Variants in PLCH2 observed in about 807,000 individuals in gnomAD.
The protein encoded by PLCH2 is 1-phosphatidylinositol 4,5-bisphosphate phosphodiesterase eta-2.
Under a neutral mutation model 134.7 loss-of-function variants are expected in PLCH2, and 98 were observed. The ratio of observed to expected loss-of-function variants is 0.73; its 90% CI spans 0.62 to 0.86. The LOEUF (loss-of-function observed/expected upper bound fraction) is 0.86, where lower values mean the gene tolerates loss of function less well. Among genes scored for constraint, PLCH2 ranks in the 40% least tolerant of loss-of-function variants. The probability of loss-of-function intolerance (pLI) is 0.00; values close to 1 mark genes in which losing one functional copy is unlikely to be tolerated. For missense variants in PLCH2, 1,994 were observed against 1,986.6 expected, an observed-to-expected ratio of 1.00 and a Z score of -0.07; for synonymous variants, 974 against 827.5, an observed-to-expected ratio of 1.18 and a Z score of -3.04.
intron 2 of PLCH2, among the ~76,000 whole-genome samples, chr1:2,452,374 G>A (rs1640284990): frequency 1.3e-5 from 2 of 152,232 alleles, no homozygotes; most frequent in South Asian, 4.1e-4. Context: ...CTGCCGTCCT[G>A]GAGTGAGCCC....
intron 2 of PLCH2, among the ~76,000 whole-genome samples, chr1:2,431,405 A>G (rs956422833): frequency 1.5e-4 from 23 of 152,158 alleles, no homozygotes; most frequent in African/African-American, 5.3e-4. Flanking sequence ...TCAATGCCAC[A>G]TTCTCCAGAT....
rs1456854260 is a variant in PLCH2 at position 2,483,895 on chromosome 1, TGTGGGGG to T, written c.646-551_646-545del. Among the ~76,000 whole-genome samples, 20 of 101,710 alleles carry T rather than the reference TGTGGGGG, an allele frequency of 2.0e-4. 5 individuals are homozygous for T. The highest frequency in any genetic ancestry group is 6.8e-4 in the African/African-American group (18 of 26,324). The allele number at this position is 101,710 out of a possible 152,430, so 66.7% of individuals were successfully genotyped here. A position where few individuals can be genotyped will look rare whatever the true frequency, so the allele number is the denominator to read the frequency against. On this transcript the variant is annotated intron_variant, in intron 4 of 21. Coordinates refer to ENST00000378486, the MANE Select transcript of PLCH2 (RefSeq NM_014638.4). ...CCCGTGTGGGTGGCGCTGACTCCCGTGTGGGGGGGCGCTGACTCCCGTGTGGGGGGGC... is the reference window on the plus strand; with the variant it reads ...CCCGTGTGGGTGGCGCTGACTCCCGTGGCGCTGACTCCCGTGTGGGGGGGC...
At position 2,480,414 on chromosome 1, in the gene PLCH2, C is replaced by A. The variant is rs1641900522; in HGVS notation, c.645+102C>A. The stretch of plus-strand genomic sequence containing the variant: ...CCAGCCCTGACTGAGCTGGAGGGGA[C>A]CCTGGCAGTGCCCTCAAGCTGCACA... On this transcript the variant is annotated intron_variant, in intron 4 of 21. Coordinates refer to ENST00000378486, the MANE Select transcript of PLCH2 (RefSeq NM_014638.4). 3.8e-6 allele frequency: 5 copies of A among 1,320,374 alleles called. No individual in the cohort carries two copies. In the Admixed American group the frequency reaches 1.0e-4, roughly 27 times the overall value. The allele number at this position is 1,320,374 out of a possible 1,614,324, so 81.8% of individuals were successfully genotyped here.
intron 2 of PLCH2, among the ~76,000 whole-genome samples, chr1:2,449,636 C>T (rs1285848777): frequency 1.3e-5 from 2 of 152,212 alleles, no homozygotes; most frequent in Non-Finnish European, 2.9e-5. Flanking sequence ...TGGGGCAGCT[C>T]TGCCCAGGTG....
At chr1:2,481,258 TGC>T (rs953077326) in intron 4 of PLCH2, among the ~76,000 whole-genome samples, 1 of 152,178 alleles carries the variant, frequency 6.6e-6, no homozygotes, top group Non-Finnish European at 1.5e-5. Flanking sequence ...ACAGGGTGTG[TGC>T]GTGAGTTAGG....
intron 11 of PLCH2, 91 bp from the exon 12 acceptor site, chr1:2,494,765 A>C: frequency 5.8e-6 from 4 of 687,788 alleles, no homozygotes; most frequent in Non-Finnish European, 9.8e-6. Flanking sequence ...CTCTTCCAGG[A>C]AGGCCTTCTG....
intron 4 of PLCH2, among the ~76,000 whole-genome samples, chr1:2,481,511 G>T (rs1641967688): frequency 6.6e-6 from 1 of 152,266 alleles, no homozygotes; most frequent in Non-Finnish European, 1.5e-5. Context: ...GTGGCTTAGG[G>T]TGCAGGCTCC....
Position 2,469,582 on chromosome 1 carries a change from T to C in PLCH2, c.43+1920T>C, listed in dbSNP as rs116519929. Among the ~76,000 whole-genome samples, 1,092 of 150,736 alleles carry C rather than the reference T, an allele frequency of 7.2e-3. 8 individuals carry two copies. The highest frequency in any genetic ancestry group is 0.025 in the African/African-American group (1,020 of 41,164). Reference sequence around the variant, plus strand: ...AGTGCCCTTTGCTGGGGCAGGTGTGTGTGGGGTGCCTGGGGCCCTCTCAGG... The same window carrying C: ...AGTGCCCTTTGCTGGGGCAGGTGTGCGTGGGGTGCCTGGGGCCCTCTCAGG... On this transcript the variant is annotated intron_variant, in intron 1 of 21. Coordinates refer to the PLCH2 transcript ENST00000449969.
At position 2,504,325 on chromosome 1, in the gene PLCH2, C is replaced by G; in HGVS notation, c.3363C>G (p.Tyr1121Ter). Residue 1121 changes from tyrosine to a stop codon, truncating the protein, a stop_gained, in exon 22 of 22, where the codon TAC (tyrosine) becomes TAG (stop). Coordinates refer to ENST00000378486, the MANE Select transcript of PLCH2 (RefSeq NM_014638.4). LOFTEE classifies it high-confidence loss of function. ...LAAPFPAPAV[Y>*]SDATGSDPLW... The stretch of plus-strand genomic sequence containing the variant: ...CTCCCTTTCCAGCTCCTGCCGTGTA[C>G]TCCGATGCCACGGGCAGTGACCCGC... 1 of 1,609,708 alleles carries G rather than the reference C, an allele frequency of 6.2e-7. No individual in the cohort carries two copies. The highest frequency in any genetic ancestry group is 8.5e-7 in the Non-Finnish European group (1 of 1,178,976).
intron 21 of PLCH2, chr1:2,502,825 A>G: frequency 1.4e-6 from 1 of 717,106 alleles, no homozygotes; most frequent in South Asian, 1.5e-5. Flanking sequence ...CCTGCAGGCA[A>G]CCGGGGGCCC....
In PLCH2 at chr1:2,494,598, A is replaced by G. The variant is rs1642772478; in HGVS notation, c.1660-258A>G. 5.2e-6 allele frequency: 3 copies of G among 578,440 alleles called. No individual in the cohort carries two copies. In the Admixed American group the frequency reaches 9.2e-5, roughly 18 times the overall value. The allele number at this position is 578,440 out of a possible 1,614,324, so 35.8% of individuals were successfully genotyped here. On this transcript the variant is annotated intron_variant, in intron 11 of 21. Transcript: ENST00000378486. Reference sequence around the variant, plus strand: ...AGAGACGCTGAGGCAGGTGTGAGCGAATGTTTCCACCGGGGCCTGACTTTC... The same window carrying G: ...AGAGACGCTGAGGCAGGTGTGAGCGGATGTTTCCACCGGGGCCTGACTTTC...
At chr1:2,495,622 C>T in intron 13 of PLCH2, 52 bp downstream of exon 13, 2 of 1,339,458 alleles carry the variant, frequency 1.5e-6, no homozygotes, top group South Asian at 1.4e-5. Flanking sequence ...GAGCCTGGCC[C>T]AACCGGGCCC....
chr1:2,425,140 G>T (rs1276989568), upstream of PLCH2, among the ~76,000 whole-genome samples: 2 of 148,190 alleles, frequency 1.3e-5, no homozygotes, highest in Non-Finnish European at 3.0e-5. Context: ...TCCAGCCTAG[G>T]CGATAGAGTG....
chr1:2,478,647 A>T, intron 2 of PLCH2, 25 bp downstream of exon 2: 4 of 1,591,748 alleles, frequency 2.5e-6, no homozygotes, highest in Non-Finnish European at 3.4e-6. Context: ...TGGGGTGGGG[A>T]CAAATCAGAG....
chr1:2,476,442 A>G lies in PLCH2; in HGVS notation c.-147A>G. 1.4e-6 allele frequency: 1 copy of G among 712,510 alleles called. No individual in the cohort carries two copies. The highest frequency in any genetic ancestry group is 2.2e-6 in the Non-Finnish European group (1 of 458,372). The allele number at this position is 712,510 out of a possible 1,614,324, so 44.1% of individuals were successfully genotyped here. On this transcript the variant is annotated 5_prime_UTR_variant, in exon 1 of 22. Coordinates refer to ENST00000378486, the MANE Select transcript of PLCH2 (RefSeq NM_014638.4). ...GGGCACAGCCCTGTGGGGGCTTCGG[A>G]GGGCCCTGAGGAGGAGGAGGAAGAG...
chr1:2,453,584 C>T (rs564442995), intron 2 of PLCH2, among the ~76,000 whole-genome samples: 2 of 152,314 alleles, frequency 1.3e-5, no homozygotes, highest in South Asian at 2.1e-4. Context: ...CCTTTGCCCT[C>T]CCCATTGCCC....
chr1:2,451,426 T>C (rs558645092), intron 2 of PLCH2, among the ~76,000 whole-genome samples: 5 of 152,282 alleles, frequency 3.3e-5, no homozygotes, highest in African/African-American at 1.2e-4. Flanking sequence ...TACAGATCAG[T>C]GCCGCCCCTC....
At chr1:2,482,419 G>A (rs1381215914) in intron 4 of PLCH2, among the ~76,000 whole-genome samples, 2 of 152,208 alleles carry the variant, frequency 1.3e-5, no homozygotes, top group Admixed American at 1.3e-4. Context: ...GGTGCAGTGA[G>A]TGGGCACCCC....
In PLCH2 at chr1:2,448,908, G is replaced by A. The variant is rs1315845800; in HGVS notation, c.115+18279G>A. Among the ~76,000 whole-genome samples the A allele has an allele frequency of 2.6e-5, 4 of 152,192 alleles. No individual in the cohort carries two copies. Among genetic ancestry groups the A allele is most frequent in the East Asian group, 3.9e-4 (2 of 5,184 alleles). On this transcript the variant is annotated intron_variant, in intron 2 of 3. Coordinates refer to the PLCH2 transcript ENST00000609981. This position sits in a 1 kb window ranked among gnomAD's most constrained non-coding sequence, Gnocchi z 4.0. ...ATCACTGCTGCCCCGGAAGGCACCT[G>A]GGGCCTCCAGAATGCTCGTTTCGTC...
Sources: gnomAD v4.1 joint callset for allele counts (sites outside exome capture counted in the v4.1 genomes callset) on GRCh38, gnomAD v4.1.1 for gene constraint, Gnocchi (gnomAD v3.1) non-coding constraint, MANE v1.5 for transcripts, NCBI Gene and HGNC (gene_info 2026-07-23, HGNC 2026-07-21) for gene names.